The following SPIDR variants were observed in gnomAD, a reference collection of about 807,000 sequenced individuals.
SPIDR encodes scaffold protein involved in DNA repair, also known as DNA repair-scaffolding protein.
A neutral mutation model predicts 104.6 loss-of-function variants in SPIDR; 93 were observed. That is an observed-to-expected ratio of 0.89 (90% CI 0.75 to 1.06). The LOEUF is 1.06. SPIDR is among the 50% of genes least tolerant of loss of function. SPIDR has a pLI of 0.00. For synonymous variants in SPIDR, 431 were observed against 416.9 expected, an observed-to-expected ratio of 1.03 and a Z score of -0.41; for missense variants, 1,154 against 1,111.2, an observed-to-expected ratio of 1.04 and a Z score of -0.55.
At chr8:47,523,718 A>T (rs1217207324) in intron 8 of SPIDR, among the ~76,000 whole-genome samples, 2 of 152,166 alleles carry the variant, frequency 1.3e-5, no homozygotes, top group Non-Finnish European at 2.9e-5. Flanking sequence ...TGGGGGCCTC[A>T]CAGATTTTTG....
chr8:47,459,043 G>A (rs1478345132), intron 8 of SPIDR, among the ~76,000 whole-genome samples: 1 of 152,124 alleles, frequency 6.6e-6, no homozygotes, highest in Non-Finnish European at 1.5e-5. Flanking sequence ...CGGTTAGCTA[G>A]TATTTTGTTA....
intron 5 of SPIDR, among the ~76,000 whole-genome samples, chr8:47,349,319 G>T (rs2052913151): frequency 6.6e-6 from 1 of 152,218 alleles, no homozygotes; most frequent in Admixed American, 6.5e-5. Flanking sequence ...AAATGTTGCT[G>T]CCTGATCCTT....
intron 5 of SPIDR, among the ~76,000 whole-genome samples, chr8:47,345,018 T>C (rs1554616750): frequency 6.6e-6 from 1 of 152,244 alleles, no homozygotes; most frequent in Non-Finnish European, 1.5e-5. Context: ...TTTGGTGTTT[T>C]AGACATGAAG....
At chr8:47,571,091 A>T (rs75329539) in intron 8 of SPIDR, among the ~76,000 whole-genome samples, 4 of 145,742 alleles carry the variant, frequency 2.7e-5, no homozygotes, top group African/African-American at 1.0e-4. Flanking sequence ...ACTCTGTCTC[A>T]AAAAAAAAAA....
At chr8:47,423,548 G>T (rs1323234193) in intron 7 of SPIDR, among the ~76,000 whole-genome samples, 1 of 152,064 alleles carries the variant, frequency 6.6e-6, no homozygotes, top group Non-Finnish European at 1.5e-5. Context: ...GTTTTTGTGA[G>T]CCGAGATCAC....
intron 5 of SPIDR, among the ~76,000 whole-genome samples, chr8:47,340,042 A>T (rs2050448568): frequency 6.6e-6 from 1 of 152,048 alleles, no homozygotes; most frequent in African/African-American, 2.4e-5. Flanking sequence ...TCTTTCCATA[A>T]ATGTATTATA....
At chr8:47,319,477 C>G (rs551996419) in intron 5 of SPIDR, among the ~76,000 whole-genome samples, 19 of 152,316 alleles carry the variant, frequency 1.2e-4, no homozygotes, top group Admixed American at 3.3e-4. Context: ...GATACTTAGA[C>G]TCCCACACAA....
chr8:47,445,479 A>T (rs2070400503), intron 8 of SPIDR, among the ~76,000 whole-genome samples: 2 of 152,124 alleles, frequency 1.3e-5, no homozygotes, highest in Non-Finnish European at 2.9e-5. Context: ...ATTCCATGAG[A>T]CACAACAGTA....
intron 8 of SPIDR, among the ~76,000 whole-genome samples, chr8:47,495,021 G>A (rs1473408862): frequency 6.6e-6 from 1 of 152,084 alleles, no homozygotes; most frequent in Non-Finnish European, 1.5e-5. Context: ...TGAGTCTTTT[G>A]AGTTGTAACC....
At chr8:47,286,981 G>T (rs1159104666) in intron 3 of SPIDR, among the ~76,000 whole-genome samples, 1 of 152,090 alleles carries the variant, frequency 6.6e-6, no homozygotes, top group African/African-American at 2.4e-5. Context: ...TAGGTTCTTT[G>T]TATTTTCCCT....
chr8:47,487,808 G>A (rs2077944990), intron 8 of SPIDR, among the ~76,000 whole-genome samples: 2 of 152,092 alleles, frequency 1.3e-5, no homozygotes, highest in South Asian at 2.1e-4. Context: ...TGAAACCAAC[G>A]AGAACAAAGA....
At chr8:47,367,501 C>T (rs946488527) in intron 5 of SPIDR, among the ~76,000 whole-genome samples, 13 of 152,182 alleles carry the variant, frequency 8.5e-5, no homozygotes, top group African/African-American at 2.9e-4. Context: ...ACTAAGTTTG[C>T]GGTAATTTGT....
chr8:47,726,892 T>C (rs1241169599), intron 16 of SPIDR, among the ~76,000 whole-genome samples: 2 of 152,146 alleles, frequency 1.3e-5, no homozygotes, highest in East Asian at 3.9e-4. Context: ...ATATGGGGAA[T>C]GTTTGAGGGA....
At chr8:47,530,838 T>G (rs1329965107) in intron 8 of SPIDR, among the ~76,000 whole-genome samples, 1 of 152,170 alleles carries the variant, frequency 6.6e-6, no homozygotes, top group Non-Finnish European at 1.5e-5. Context: ...TTATAACACA[T>G]TGTACAGTTG....
At chr8:47,375,414 G>A (rs1327773075) in intron 5 of SPIDR, among the ~76,000 whole-genome samples, 1 of 151,594 alleles carries the variant, frequency 6.6e-6, no homozygotes, top group Non-Finnish European at 1.5e-5. Flanking sequence ...GCTAATTTTT[G>A]TATTTTTAGT....
chr8:47,294,227 T>C (rs1285952329), intron 5 of SPIDR, 197 bp downstream of exon 5: 10 of 576,734 alleles, frequency 1.7e-5, no homozygotes, highest in Non-Finnish European at 2.5e-5. Flanking sequence ...GGATAAATAT[T>C]GATCTCACTT....
At chr8:47,696,375 T>A (rs1421554469) in intron 11 of SPIDR, among the ~76,000 whole-genome samples, 1 of 152,246 alleles carries the variant, frequency 6.6e-6, no homozygotes. Flanking sequence ...CGTATAAATA[T>A]CTCCATTTGT....
In SPIDR at chr8:47,701,994, G is replaced by A. The variant is rs762558847; in HGVS notation, c.1956G>A (p.Thr652=). Residue 652 remains threonine (T), a synonymous_variant, in exon 14 of 20, where the codon ACG becomes ACA. Coordinates refer to ENST00000297423, the MANE Select transcript of SPIDR (RefSeq NM_001080394.4). ...GTACCCGTTGCAGTTTCTATGCCACGGTGATTTACCAAAAACCACAGGTAA... is the reference window on the plus strand; with the variant it reads ...GTACCCGTTGCAGTTTCTATGCCACAGTGATTTACCAAAAACCACAGGTAA... ...DLGTRCSFYA[T]VIYQKPQLKS... is the part of the protein sequence containing the mutation. The A allele has an allele frequency of 1.6e-5, 25 of 1,604,860 alleles. No individual in the cohort carries two copies. The highest frequency in any genetic ancestry group is 1.3e-4 in the Admixed American group (8 of 59,362).
chr8:47,646,763 G>A (rs1055197778), intron 10 of SPIDR, among the ~76,000 whole-genome samples: 2 of 152,154 alleles, frequency 1.3e-5, no homozygotes, highest in African/African-American at 4.8e-5. Context: ...GGGAACTAGA[G>A]GATGGAGGAC....
Sources: allele counts gnomAD v4.1 joint callset (sites outside exome capture counted in the v4.1 genomes callset), GRCh38; gene constraint gnomAD v4.1.1; transcripts MANE v1.5; gene names NCBI Gene and HGNC (gene_info 2026-07-23, HGNC 2026-07-21).